Variants in FHL2 observed in about 807,000 individuals in gnomAD.
The protein encoded by FHL2 is four and a half LIM domains protein 2.
FHL2 carries 20 observed loss-of-function variants against 32.7 expected under a neutral mutation model. The ratio of observed to expected loss-of-function variants is 0.61; its 90% CI spans 0.43 to 0.89. FHL2 has a LOEUF of 0.89. Among genes scored for constraint, FHL2 ranks in the 40% least tolerant of loss-of-function variants. The pLI is 0.00. For synonymous variants in FHL2, 123 were observed against 128.1 expected, an observed-to-expected ratio of 0.96 and a Z score of 0.27; for missense variants, 311 against 358.6, an observed-to-expected ratio of 0.87 and a Z score of 1.07.
intron 3 of FHL2, among the ~76,000 whole-genome samples, chr2:105,382,317 T>G (rs1681953136): frequency 6.6e-6 from 1 of 152,210 alleles, no homozygotes; most frequent in African/African-American, 2.4e-5. Flanking sequence ...CATCTCTTAC[T>G]CATAAGGACT....
intron 1 of FHL2, among the ~76,000 whole-genome samples, chr2:105,404,575 G>A (rs1683569294): frequency 6.6e-6 from 1 of 152,222 alleles, no homozygotes; most frequent in African/African-American, 2.4e-5. Flanking sequence ...CTGTGCCCGT[G>A]AGCTGGGTGC....
At chr2:105,424,071 T>C (rs1684185215) in intron 1 of FHL2, among the ~76,000 whole-genome samples, 1 of 152,108 alleles carries the variant, frequency 6.6e-6, no homozygotes, top group Non-Finnish European at 1.5e-5. Context: ...AAATCAACTA[T>C]CATCAGAGTT....
At chr2:105,436,951 G>T (rs918338795) in intron 1 of FHL2, among the ~76,000 whole-genome samples, 3 of 152,148 alleles carry the variant, frequency 2.0e-5, no homozygotes, top group African/African-American at 7.2e-5. Flanking sequence ...ACATTTCAGA[G>T]ATCGGTAGAA....
intron 2 of FHL2, among the ~76,000 whole-genome samples, chr2:105,388,182 G>A (rs974834806): frequency 4.6e-5 from 7 of 152,098 alleles, no homozygotes; most frequent in African/African-American, 1.4e-4. Context: ...CCTGGGTGAT[G>A]AAATAATATG....
At chr2:105,375,842 G>A (rs1380706517) in intron 3 of FHL2, 1 of 152,168 alleles carries the variant, frequency 6.6e-6, no homozygotes, top group Admixed American at 6.5e-5. Context: ...GGGGGCAGAG[G>A]GCTAACCTGT....
chr2:105,403,533 C>T (rs780128286), upstream of FHL2, among the ~76,000 whole-genome samples: 11 of 152,184 alleles, frequency 7.2e-5, no homozygotes, highest in African/African-American at 1.2e-4. Flanking sequence ...AGACTTCCTG[C>T]GGCTAGCAGG....
At chr2:105,434,286 C>T (rs958054438) in intron 1 of FHL2, among the ~76,000 whole-genome samples, 3 of 152,188 alleles carry the variant, frequency 2.0e-5, no homozygotes, top group Non-Finnish European at 4.4e-5. Context: ...GAAAGAAAGA[C>T]ATTGACCAGG....
chr2:105,404,542 C>G (rs772802457), intron 1 of FHL2, among the ~76,000 whole-genome samples: 7 of 152,196 alleles, frequency 4.6e-5, no homozygotes, highest in Non-Finnish European at 1.0e-4. Flanking sequence ...AAAGATGACT[C>G]TACGGGCAGG....
Position 105,399,004 on chromosome 2 carries a change from C to A in FHL2, c.-238G>T, listed in dbSNP as rs1419782615. 3 of 1,502,668 alleles carry A rather than the reference C, an allele frequency of 2.0e-6. No individual in the cohort carries two copies. The highest frequency in any genetic ancestry group is 1.3e-5 in the South Asian group (1 of 77,052). 93.1% of individuals were successfully genotyped at this position (1,502,668 alleles called of 1,614,324 possible). On this transcript the variant is annotated 5_prime_UTR_variant, in exon 1 of 7. Transcript: ENST00000530340. ...GCGGGCCGGGGACTCCCGGACGGGGCTGGAGGGCGCGGGCGGCTGGTGGCT... is the reference window on the plus strand; with the variant it reads ...GCGGGCCGGGGACTCCCGGACGGGGATGGAGGGCGCGGGCGGCTGGTGGCT...
chr2:105,385,051 C>T (rs1300412373), intron 3 of FHL2, among the ~76,000 whole-genome samples: 2 of 152,204 alleles, frequency 1.3e-5, no homozygotes, highest in African/African-American at 4.8e-5. Context: ...GCCAGATCAG[C>T]TATTTTTGCT....
At chr2:105,395,050 G>T (rs181199130) in intron 2 of FHL2, among the ~76,000 whole-genome samples, 81 of 152,346 alleles carry the variant, frequency 5.3e-4, no homozygotes, top group African/African-American at 1.9e-3. Flanking sequence ...CAGCCGACAA[G>T]AATGTGTTGA....
chr2:105,381,365 A>G (rs1026201025), intron 3 of FHL2, among the ~76,000 whole-genome samples: 1 of 151,880 alleles, frequency 6.6e-6, no homozygotes, highest in South Asian at 2.1e-4. Context: ...TCACTCAATT[A>G]CCCCGACAGT....
upstream of FHL2, among the ~76,000 whole-genome samples, chr2:105,403,524 G>A (rs1683536882): frequency 6.6e-6 from 1 of 152,190 alleles, no homozygotes; most frequent in Non-Finnish European, 1.5e-5. Context: ...GAGAGGAAAA[G>A]ACTTCCTGCG....
rs1226193960 is a variant in FHL2 at position 105,387,070 on chromosome 2, C to T, written c.-24-530G>A. Among the ~76,000 whole-genome samples the T allele has an allele frequency of 3.3e-5, 5 of 152,184 alleles. No homozygotes were observed. The East Asian group carries it at 9.7e-4, about 29-fold the overall frequency. On this transcript the variant is annotated intron_variant, in intron 2 of 6. Coordinates refer to ENST00000530340, the MANE Select transcript of FHL2 (RefSeq NM_001318895.3). ...GTGAGCCATCACGCCTGGTCACATT[C>T]CACTTCTTGAAAAGCACAAATTATT... is the stretch of plus-strand genomic sequence containing the variant.
upstream of FHL2, among the ~76,000 whole-genome samples, chr2:105,401,149 A>G (rs1289103778): frequency 6.6e-6 from 1 of 151,076 alleles, no homozygotes; most frequent in Non-Finnish European, 1.5e-5. Context: ...ACAACCTTGG[A>G]AAATATGACA....
chr2:105,379,423 A>C (rs1010126241), intron 3 of FHL2, among the ~76,000 whole-genome samples: 6 of 152,220 alleles, frequency 3.9e-5, no homozygotes, highest in African/African-American at 1.4e-4. Context: ...TGGTAACTCT[A>C]CCACTCTACT....
chr2:105,373,659 G>T lies in FHL2; in HGVS notation c.231C>A (p.Asp77Glu). ...GGTCCTCCTTGGCAGCAAAGGGCTTGTCCACCAGTGAGTTTCTGCACTGCG... is the reference window on the plus strand; with the variant it reads ...GGTCCTCCTTGGCAGCAAAGGGCTTTTCCACCAGTGAGTTTCTGCACTGCG... ...HCSQCRNSLV[D>E]KPFAAKEDQL... The change falls in exon 4 of 7, where the codon GAC becomes GAA. Residue 77 changes from aspartate to glutamate, a missense_variant. Coordinates refer to ENST00000530340, the MANE Select transcript of FHL2 (RefSeq NM_001318895.3). The T allele has an allele frequency of 6.2e-7, 1 of 1,614,214 alleles. No homozygotes were observed. The highest frequency in any genetic ancestry group is 8.5e-7 in the Non-Finnish European group (1 of 1,180,034).
chr2:105,433,637 C>G lies in FHL2; in HGVS notation c.-25+4762G>C, dbSNP rs142465449. Among the ~76,000 whole-genome samples the G allele has an allele frequency of 5.0e-3, 761 of 152,230 alleles. 8 individuals are homozygous for G. Among genetic ancestry groups the G allele is most frequent in the Non-Finnish European group, 5.1e-3 (348 of 68,028 alleles). Reference sequence around the variant, plus strand: ...GCCTCTCAGTGCCTCGGCGTCCTCACCTGTAAACAAGGAAACCAGGAACAC... The same window carrying G: ...GCCTCTCAGTGCCTCGGCGTCCTCAGCTGTAAACAAGGAAACCAGGAACAC... On this transcript the variant is annotated intron_variant, in intron 1 of 5. Coordinates refer to the FHL2 transcript ENST00000393352.
At chr2:105,419,380 C>T (rs1466361037) in intron 1 of FHL2, among the ~76,000 whole-genome samples, 2 of 152,164 alleles carry the variant, frequency 1.3e-5, no homozygotes, top group Non-Finnish European at 2.9e-5. Flanking sequence ...CTCCAAGAGT[C>T]CCCAAAGTCT....
Sources: gnomAD v4.1 joint callset for allele counts (sites outside exome capture counted in the v4.1 genomes callset) on GRCh38, gnomAD v4.1.1 for gene constraint, MANE v1.5 for transcripts, NCBI Gene and HGNC (gene_info 2026-07-23, HGNC 2026-07-21) for gene names.